The following SUGT1 variants were observed in gnomAD, a reference collection of about 807,000 sequenced individuals.
SUGT1 encodes the protein SGT1 assembly cochaperone of MIS12 kinetochore complex.
SUGT1 carries 15 observed loss-of-function variants against 56.1 expected under a neutral mutation model. That is an observed-to-expected ratio of 0.27 (90% CI 0.18 to 0.41). SUGT1 has a LOEUF of 0.41. Ranked by LOEUF, SUGT1 falls within the 10% of genes least tolerant of loss-of-function variation. SUGT1 has a pLI of 1.00. For missense variants in SUGT1, 347 were observed against 382.2 expected (o/e 0.91, Z 0.77); for synonymous variants, 123 against 128.6 (o/e 0.96, Z 0.30).
intron 10 of SUGT1, among the ~76,000 whole-genome samples, chr13:52,669,267 A>G (rs1032484155): frequency 2.0e-5 from 3 of 152,218 alleles, no homozygotes; most frequent in Non-Finnish European, 4.4e-5. Context: ...AAGTTACAAG[A>G]TGTTCATTTA....
rs750001919 is a variant in SUGT1 at position 52,659,210 on chromosome 13, G to A, written c.289G>A (p.Ala97Thr). The A allele has an allele frequency of 6.7e-7, 1 of 1,484,026 alleles. No individual in the cohort carries two copies. The highest frequency in any genetic ancestry group is 1.5e-5 in the South Asian group (1 of 68,410). 91.9% of individuals were successfully genotyped at this position (1,484,026 alleles called of 1,614,324 possible). Residue 97 changes from alanine to threonine, a missense_variant, in exon 5 of 13, where the codon GCT becomes ACT. Ala to Thr is a moderately conservative substitution (Grantham distance 58, BLOSUM62 0). Transcript: ENST00000310528. ...ICEYHEKNYA[A>T]ALETFTEGQK... ...TGAATACCATGAAAAAAACTATGCT[G>A]CTGCCCTAGAAACTTTTACAGAAGG...
Position 52,652,971 on chromosome 13 carries a change from C to G in SUGT1, c.38+13C>G. 6.2e-7 allele frequency: 1 copy of G among 1,614,214 alleles called. No homozygotes were observed. Among genetic ancestry groups the G allele is most frequent in the Non-Finnish European group, 8.5e-7 (1 of 1,180,014 alleles). ...CAACATCCCAGAGGTGCATGTTTTT[C>G]TTTCCCTTTGGTATTTATTTTATCC... On this transcript the variant is annotated intron_variant, in intron 1 of 12. Transcript: ENST00000310528.
At position 52,694,044 on chromosome 13, in the gene SUGT1, A is replaced by G. The variant is rs959681875; in HGVS notation, c.*6209A>G. 2 of 152,242 alleles carry G rather than the reference A, an allele frequency of 1.3e-5. No individual in the cohort carries two copies. Among genetic ancestry groups the G allele is most frequent in the Non-Finnish European group, 2.9e-5 (2 of 68,046 alleles). The allele number at this position is 152,242 out of a possible 1,614,324, so 9.4% of individuals were successfully genotyped here. A position where few individuals can be genotyped will look rare whatever the true frequency, so the allele number is the denominator to read the frequency against. On this transcript the variant is annotated 3_prime_UTR_variant, in exon 13 of 13. Transcript: ENST00000310528. ...AACTTATGTGAACAGTTATTTTTGG[A>G]CAGCAGTTGACTGTGGGTCACTGAA...
chr13:52,662,360 A>C (rs1962494907), intron 5 of SUGT1, among the ~76,000 whole-genome samples: 1 of 152,236 alleles, frequency 6.6e-6, no homozygotes, highest in Non-Finnish European at 1.5e-5. Flanking sequence ...CTCTAAGAGC[A>C]GCGGGATTGG....
At chr13:52,659,352 A>G in intron 5 of SUGT1, 103 bp downstream of exon 5, 1 of 633,638 alleles carries the variant, frequency 1.6e-6, no homozygotes, top group Non-Finnish European at 2.5e-6. Context: ...TAGAAACCCA[A>G]TACCTGTTTT....
chr13:52,670,104 C>G (rs1962870425), intron 10 of SUGT1, among the ~76,000 whole-genome samples: 2 of 152,170 alleles, frequency 1.3e-5, no homozygotes, highest in African/African-American at 4.8e-5. Flanking sequence ...TGGGAATTCT[C>G]TTTTCTTTCC....
chr13:52,654,370 C>G (rs911569235), intron 2 of SUGT1, among the ~76,000 whole-genome samples: 9 of 152,094 alleles, frequency 5.9e-5, no homozygotes, highest in South Asian at 2.1e-4. Flanking sequence ...CTTTGGGAAT[C>G]CAGTTTATAT....
rs776998154 is a variant in SUGT1 at position 52,666,849 on chromosome 13, A to G, written c.557A>G (p.Tyr186Cys). The change falls in exon 10 of 13, where the codon TAC becomes TGC. Residue 186 changes from tyrosine (Y) to cysteine (C), a missense_variant. Transcript: ENST00000310528. ...ALVKLPSGED[Y>C]NLKLELLHPI... ...GTTAAACTTCCTTCTGGAGAGGATT[A>G]CAATTTGAAACTGGAACTTCTTCAT... 3.1e-6 allele frequency: 5 copies of G among 1,613,308 alleles called. No individual in the cohort carries two copies. The highest frequency in any genetic ancestry group is 1.7e-5 in the Admixed American group (1 of 59,974).
At chr13:52,683,922 C>G (rs534007559) in intron 12 of SUGT1, among the ~76,000 whole-genome samples, 1 of 152,000 alleles carries the variant, frequency 6.6e-6, no homozygotes, top group Non-Finnish European at 1.5e-5. Context: ...TTTCTATCGC[C>G]CAGGCTAGAG....
chr13:52,653,473 T>G (rs1456928868), intron 2 of SUGT1, among the ~76,000 whole-genome samples: 1 of 152,222 alleles, frequency 6.6e-6, no homozygotes, highest in African/African-American at 2.4e-5. Context: ...ATTCTTGCCA[T>G]TCTTACGTAA....
rs1279595127 is a variant in SUGT1, at chr13:52,692,062, T to G, written c.*4227T>G. ...CTCCTCCAAATCAGCTAAAATCATA[T>G]ACAATGAATGCTGACTCATTACTGC... On this transcript the variant is annotated 3_prime_UTR_variant, in exon 13 of 13. Coordinates refer to ENST00000310528, the MANE Select transcript of SUGT1 (RefSeq NM_006704.5). 1 of 152,214 alleles carries G rather than the reference T, an allele frequency of 6.6e-6. No homozygotes were observed. The highest frequency in any genetic ancestry group is 1.5e-5 in the Non-Finnish European group (1 of 68,028). 9.4% of individuals were successfully genotyped at this position (152,214 alleles called of 1,614,324 possible). A position where few individuals can be genotyped will look rare whatever the true frequency, so the allele number is the denominator to read the frequency against.
chr13:52,673,760 AT>A (rs1019914246), intron 10 of SUGT1, among the ~76,000 whole-genome samples: 1 of 152,194 alleles, frequency 6.6e-6, no homozygotes, highest in African/African-American at 2.4e-5. Flanking sequence ...CCAGGCCCTC[AT>A]TTTTTAGATG....
At chr13:52,657,397 C>G (rs1479856729) in intron 2 of SUGT1, 135 bp from the exon 3 acceptor site, 6 of 784,010 alleles carry the variant, frequency 7.7e-6, no homozygotes, top group African/African-American at 3.5e-5. Context: ...AGGAAAAACT[C>G]CAATATTATA....
intron 2 of SUGT1, among the ~76,000 whole-genome samples, chr13:52,656,953 TA>T (rs1248857559): frequency 3.9e-5 from 6 of 152,236 alleles, no homozygotes; most frequent in Non-Finnish European, 7.3e-5. Context: ...TAACTCTTGG[TA>T]GTTGACATAG....
In SUGT1 at chr13:52,688,102, T is replaced by C. The variant is rs1963665517; in HGVS notation, c.*267T>C. 9.7e-6 allele frequency: 2 copies of C among 206,224 alleles called. No homozygotes were observed. The allele number at this position is 206,224 out of a possible 1,614,324, so 12.8% of individuals were successfully genotyped here. ...TGCTCCTAGATAGATTCATTCTATC[T>C]AGTTGTGGGGATGGAGAAATCTTTA... On this transcript the variant is annotated 3_prime_UTR_variant, in exon 13 of 13. Coordinates refer to ENST00000310528, the MANE Select transcript of SUGT1 (RefSeq NM_006704.5).
intron 11 of SUGT1, among the ~76,000 whole-genome samples, chr13:52,678,681 G>GT (rs11325152): frequency 0.037 from 5,181 of 141,740 alleles, 117 homozygotes; most frequent in South Asian, 0.065. Flanking sequence ...TTTTTTGTTG[G>GT]TTTTTTTTTT....
At position 52,658,216 on chromosome 13, in the gene SUGT1, C is replaced by T; in HGVS notation, c.188-183C>T. The T allele has an allele frequency of 2.6e-6, 4 of 1,509,602 alleles. No individual in the cohort carries two copies. The South Asian group carries it at 4.9e-5, about 18-fold the overall frequency. The allele number at this position is 1,509,602 out of a possible 1,614,324, so 93.5% of individuals were successfully genotyped here. ...TTTAAGAAGGAAGCTAAATGTTAAG[C>T]CAAAAGGAAGGTACAAGAGTAATAT... On this transcript the variant is annotated intron_variant, in intron 3 of 12. Transcript: ENST00000310528.
intron 11 of SUGT1, among the ~76,000 whole-genome samples, chr13:52,678,294 A>G (rs977869216): frequency 4.6e-5 from 7 of 152,156 alleles, no homozygotes; most frequent in Admixed American, 6.5e-5. Flanking sequence ...AAAAAAAACT[A>G]TGTGTTGGTG....
chr13:52,660,052 A>G (rs544783736), intron 5 of SUGT1, among the ~76,000 whole-genome samples: 2 of 151,550 alleles, frequency 1.3e-5, no homozygotes, highest in South Asian at 4.2e-4. Flanking sequence ...GATGGTCTCA[A>G]TCTCCTGACC....
Sources: gnomAD v4.1 joint callset for allele counts (sites outside exome capture counted in the v4.1 genomes callset) on GRCh38, gnomAD v4.1.1 for gene constraint, MANE v1.5 for transcripts, NCBI Gene and HGNC (gene_info 2026-07-23, HGNC 2026-07-21) for gene names.